The following TBC1D22A variants were observed in gnomAD, a reference collection of about 807,000 sequenced individuals.
TBC1D22A encodes the protein TBC1 domain family member 22A.
A neutral mutation model predicts 60.2 loss-of-function variants in TBC1D22A; 38 were observed. That is an observed-to-expected ratio of 0.63 (90% CI 0.49 to 0.83). TBC1D22A has a LOEUF of 0.83. TBC1D22A is among the 40% of genes least tolerant of loss of function. The probability of loss-of-function intolerance (pLI) is 0.00; values close to 1 mark genes in which losing one functional copy is unlikely to be tolerated. For missense variants in TBC1D22A, 628 were observed against 701.0 expected (o/e 0.90, Z 1.18); for synonymous variants, 302 against 281.7 (o/e 1.07, Z -0.72).
chr22:46,924,686 A>G (rs2070946330), intron 8 of TBC1D22A, among the ~76,000 whole-genome samples: 1 of 152,082 alleles, frequency 6.6e-6, no homozygotes, highest in Non-Finnish European at 1.5e-5. Flanking sequence ...TGGAGGTTGC[A>G]GTGAGCCAAG....
intron 1 of TBC1D22A, among the ~76,000 whole-genome samples, chr22:46,769,511 G>A (rs1181126151): frequency 6.6e-6 from 1 of 152,248 alleles, no homozygotes; most frequent in Non-Finnish European, 1.5e-5. Flanking sequence ...GCCCTCACTG[G>A]GTGGAATGCT....
At chr22:46,986,277 A>T (rs1157804979) in intron 9 of TBC1D22A, among the ~76,000 whole-genome samples, 5 of 152,220 alleles carry the variant, frequency 3.3e-5, no homozygotes, top group Admixed American at 3.3e-4. Context: ...TCCAGTTCAC[A>T]CTGTCTTCAT....
intron 4 of TBC1D22A, among the ~76,000 whole-genome samples, chr22:46,806,185 G>T (rs931897549): frequency 2.1e-4 from 32 of 152,262 alleles, no homozygotes; most frequent in Admixed American, 1.1e-3. Context: ...CCATGGCTCA[G>T]TGCCGAGCGC....
intron 3 of TBC1D22A, among the ~76,000 whole-genome samples, chr22:46,794,875 C>T (rs575096425): frequency 6.6e-6 from 1 of 152,296 alleles, no homozygotes; most frequent in Non-Finnish European, 1.5e-5. Context: ...TAGGTACCTC[C>T]CTCCAAGGTC....
In TBC1D22A at chr22:47,173,652, C is replaced by T. The variant is rs371090348; in HGVS notation, c.*26C>T. ...GCCCAGGCCCACCCGCAGCTGGCCT[C>T]ACTGTCCCGGGTGGCGCGCCCCACC... is the stretch of plus-strand genomic sequence containing the variant. On this transcript the variant is annotated 3_prime_UTR_variant, in exon 13 of 13. Coordinates refer to ENST00000337137, the MANE Select transcript of TBC1D22A (RefSeq NM_014346.5). 1 of 1,612,430 alleles carries T rather than the reference C, an allele frequency of 6.2e-7. No homozygotes were observed.
intron 6 of TBC1D22A, among the ~76,000 whole-genome samples, chr22:46,893,804 C>A (rs1288161200): frequency 2.0e-5 from 3 of 152,216 alleles, no homozygotes; most frequent in Admixed American, 2.0e-4. Context: ...CTGCTGCTGG[C>A]GGGCCTCCTT....
chr22:47,084,477 G>A (rs1282274029), intron 11 of TBC1D22A, among the ~76,000 whole-genome samples: 2 of 152,166 alleles, frequency 1.3e-5, no homozygotes, highest in Admixed American at 6.5e-5. Context: ...CAGGAGGCGG[G>A]GCCCAGCAGG....
chr22:46,907,643 C>G (rs1001005745), intron 7 of TBC1D22A, among the ~76,000 whole-genome samples: 1 of 152,224 alleles, frequency 6.6e-6, no homozygotes, highest in African/African-American at 2.4e-5. Flanking sequence ...CTCCACCATC[C>G]ACACCTCCAT....
chr22:47,105,054 C>T (rs1179629089), intron 11 of TBC1D22A, among the ~76,000 whole-genome samples: 1 of 152,066 alleles, frequency 6.6e-6, no homozygotes, highest in Admixed American at 6.5e-5. Context: ...GCTCTCAGGA[C>T]CTCCTGAGGG....
chr22:46,906,201 CA>C (rs1419565844), intron 7 of TBC1D22A, among the ~76,000 whole-genome samples: 1 of 152,004 alleles, frequency 6.6e-6, no homozygotes, highest in Non-Finnish European at 1.5e-5. Context: ...TACTGCTACC[CA>C]AAAAAATGTA....
intron 12 of TBC1D22A, among the ~76,000 whole-genome samples, chr22:47,156,587 A>C (rs986964530): frequency 5.3e-5 from 8 of 152,078 alleles, no homozygotes; most frequent in Non-Finnish European, 1.2e-4. Context: ...CGACCAGAAG[A>C]GGGACCTGGG....
intron 11 of TBC1D22A, among the ~76,000 whole-genome samples, chr22:47,061,740 T>C (rs1421177333): frequency 6.6e-6 from 1 of 152,138 alleles, no homozygotes; most frequent in Non-Finnish European, 1.5e-5. Flanking sequence ...TGGTTTGTCA[T>C]CGTAAAGGAT....
chr22:46,932,225 T>G (rs533435895), intron 8 of TBC1D22A, among the ~76,000 whole-genome samples: 14 of 152,290 alleles, frequency 9.2e-5, no homozygotes, highest in African/African-American at 3.1e-4. Context: ...TTAAATGCCC[T>G]CTGGCGACAC....
At chr22:47,144,643 G>T (rs2067224904) in intron 12 of TBC1D22A, among the ~76,000 whole-genome samples, 1 of 152,260 alleles carries the variant, frequency 6.6e-6, no homozygotes, top group African/African-American at 2.4e-5. Context: ...CGGTGTTACT[G>T]TCTCCAGTCA....
At chr22:47,106,271 T>G (rs976921751) in intron 11 of TBC1D22A, among the ~76,000 whole-genome samples, 1 of 152,206 alleles carries the variant, frequency 6.6e-6, no homozygotes, top group African/African-American at 2.4e-5. Flanking sequence ...TAGGAGATAA[T>G]GGATGACCAT....
rs17849460 is a variant in TBC1D22A, at chr22:46,793,655, G to A, written c.274G>A (p.Glu92Lys). The A allele has an allele frequency of 2.4e-4, 386 of 1,613,572 alleles. 2 individuals are homozygous for A. In the African/African-American group the frequency reaches 4.5e-3, roughly 19 times the overall value. The part of the protein sequence containing the change: ...LAMAAESLNS[E>K]VVMETANRVL... ...CATGGCGGCGGAGAGCCTGAACTCC[G>A]AGGTGGTCATGGAGACGGCCAACCG... Residue 92 changes from glutamate to lysine, a missense_variant, in exon 3 of 13, where the codon GAG becomes AAG. By Grantham distance (56) the Glu-to-Lys change is moderately conservative. Coordinates refer to ENST00000337137, the MANE Select transcript of TBC1D22A (RefSeq NM_014346.5).
At position 47,085,350 on chromosome 22, in the gene TBC1D22A, G is replaced by T. The variant is rs920315413; in HGVS notation, c.1330-26158G>T. On this transcript the variant is annotated intron_variant, in intron 11 of 12. Transcript: ENST00000337137. ...TAAAACTATAAAAATATCAGTTTTT[G>T]GTTGATCATGAATTTTTTCCAGAAA... Among the ~76,000 whole-genome samples the T allele has an allele frequency of 5.3e-5, 8 of 152,178 alleles. 1 individual carries two copies. The highest frequency in any genetic ancestry group is 1.9e-4 in the African/African-American group (8 of 41,520).
rs140055690 is a variant in TBC1D22A, at chr22:46,913,368, C to T, written c.1015+1180C>T. ...GTTGTGGTCGGCCTCAGATTCCCAT[C>T]CTTGCTGTGATCTGGAGAGATGAGC... On this transcript the variant is annotated intron_variant, in intron 8 of 12. Coordinates refer to ENST00000337137, the MANE Select transcript of TBC1D22A (RefSeq NM_014346.5). The T allele has an allele frequency of 2.0e-4, 275 of 1,366,412 alleles. 1 individual carries two copies. Among genetic ancestry groups the T allele is most frequent in the Middle Eastern group, 1.9e-3 (9 of 4,790 alleles). The allele number at this position is 1,366,412 out of a possible 1,614,324, so 84.6% of individuals were successfully genotyped here.
chr22:46,968,921 G>A (rs1007635315), intron 8 of TBC1D22A, among the ~76,000 whole-genome samples: 1 of 152,040 alleles, frequency 6.6e-6, no homozygotes, highest in Non-Finnish European at 1.5e-5. Context: ...TCATCCACCC[G>A]TCTACCCATA....
Sources: allele counts gnomAD v4.1 joint callset (sites outside exome capture counted in the v4.1 genomes callset), GRCh38; gene constraint gnomAD v4.1.1; transcripts MANE v1.5; gene names NCBI Gene and HGNC (gene_info 2026-07-23, HGNC 2026-07-21).